PRKG1: variants seen among roughly 807,000 people sequenced by gnomAD.
PRKG1 encodes protein kinase cGMP-dependent 1, also known as cGMP-dependent protein kinase 1.
A neutral mutation model predicts 88.1 loss-of-function variants in PRKG1; 35 were observed. The observed-to-expected ratio is 0.40, with a 90% CI of 0.30 to 0.53. The LOEUF is 0.53. PRKG1 is among the 20% of genes least tolerant of loss of function. PRKG1 has a pLI of 0.59. For synonymous variants in PRKG1, 303 were observed against 292.5 expected, an observed-to-expected ratio of 1.04 and a Z score of -0.37; for missense variants, 540 against 839.8, an observed-to-expected ratio of 0.64 and a Z score of 4.41.
intron 2 of PRKG1, among the ~76,000 whole-genome samples, chr10:51,240,888 C>T (rs960447979): frequency 2.0e-5 from 3 of 152,112 alleles, no homozygotes; most frequent in African/African-American, 7.2e-5. Context: ...TGGATCTCTT[C>T]CAAAAGAATA....
At chr10:52,143,790 G>A (rs959095650) in intron 8 of PRKG1, among the ~76,000 whole-genome samples, 6 of 152,126 alleles carry the variant, frequency 3.9e-5, no homozygotes, top group Non-Finnish European at 5.9e-5. Flanking sequence ...CAGTCAACCC[G>A]ATCCACTTTT....
chr10:51,280,489 C>G (rs1014248311), intron 2 of PRKG1, among the ~76,000 whole-genome samples: 2 of 152,182 alleles, frequency 1.3e-5, no homozygotes, highest in Non-Finnish European at 2.9e-5. Flanking sequence ...CCATTCTGCC[C>G]GTCACTTTCA....
intron 5 of PRKG1, among the ~76,000 whole-genome samples, chr10:52,035,461 C>T (rs12768932): frequency 0.66 from 99,744 of 151,872 alleles, 33,338 homozygotes; most frequent in South Asian, 0.74. Context: ...TGTACTATAG[C>T]ATAACCTGCC....
chr10:51,685,350 T>A (rs1363385665), intron 3 of PRKG1, among the ~76,000 whole-genome samples: 1 of 152,180 alleles, frequency 6.6e-6, no homozygotes, highest in East Asian at 1.9e-4. Context: ...ATGCCTGGCA[T>A]TTCGTAGGTT....
At chr10:51,690,572 T>G (rs1365832018) in intron 3 of PRKG1, among the ~76,000 whole-genome samples, 1 of 151,908 alleles carries the variant, frequency 6.6e-6, no homozygotes, top group Non-Finnish European at 1.5e-5. Context: ...GGCAACAAAG[T>G]GAGATAGTAG....
At chr10:51,622,308 T>C (rs1293770490) in intron 3 of PRKG1, among the ~76,000 whole-genome samples, 2 of 152,192 alleles carry the variant, frequency 1.3e-5, no homozygotes, top group African/African-American at 4.8e-5. Context: ...TCAGGGAATA[T>C]AGATGCTTCA....
At chr10:51,813,865 C>G (rs1024059074) in intron 4 of PRKG1, among the ~76,000 whole-genome samples, 34 of 152,038 alleles carry the variant, frequency 2.2e-4, no homozygotes, top group African/African-American at 8.0e-4. Flanking sequence ...TTCCTCTCAC[C>G]CCTCTAGAAT....
intron 9 of PRKG1, among the ~76,000 whole-genome samples, chr10:52,181,393 A>C (rs1319267043): frequency 6.7e-6 from 1 of 149,036 alleles, no homozygotes; most frequent in Non-Finnish European, 1.5e-5. Context: ...TATAATGAAA[A>C]GAGGTTTATT....
At chr10:52,140,664 G>A (rs765347183) in intron 8 of PRKG1, among the ~76,000 whole-genome samples, 2 of 152,096 alleles carry the variant, frequency 1.3e-5, no homozygotes, top group Non-Finnish European at 1.5e-5. Context: ...ATGACAAATC[G>A]TGAAAATCCA....
At chr10:51,635,899 C>T (rs1160723008) in intron 3 of PRKG1, among the ~76,000 whole-genome samples, 1 of 152,146 alleles carries the variant, frequency 6.6e-6, no homozygotes, top group Non-Finnish European at 1.5e-5. Context: ...TCTTCAGCTT[C>T]TAATATTTTG....
At chr10:51,225,207 TGCCTC>T (rs1416848003) in intron 2 of PRKG1, among the ~76,000 whole-genome samples, 1 of 152,214 alleles carries the variant, frequency 6.6e-6, no homozygotes, top group African/African-American at 2.4e-5. Flanking sequence ...ACATACGTGT[TGCCTC>T]CTCTCTGTGT....
In PRKG1 at chr10:51,396,836, G is replaced by A. The variant is rs73332457; in HGVS notation, c.479-70887G>A. 4.6e-3 allele frequency among the ~76,000 whole-genome samples: 699 copies of A among 152,322 alleles called. 6 individuals are homozygous for A. The highest frequency in any genetic ancestry group is 0.015 in the African/African-American group (642 of 41,564). On this transcript the variant is annotated intron_variant, in intron 2 of 17. Coordinates refer to ENST00000373980, the MANE Select transcript of PRKG1 (RefSeq NM_006258.4). ...TTCCAGAGGGTATGTAGTAGGGCGG[G>A]TACTGGGGTGAACTGAGTGAAACAC... is the stretch of plus-strand genomic sequence containing the variant.
chr10:52,035,039 A>C (rs1361834728), intron 5 of PRKG1, among the ~76,000 whole-genome samples: 1 of 152,198 alleles, frequency 6.6e-6, no homozygotes, highest in Non-Finnish European at 1.5e-5. Flanking sequence ...GTTTCACTGA[A>C]TACTAAGAGC....
At chr10:51,042,817 C>T (rs1376846322) in intron 1 of PRKG1, among the ~76,000 whole-genome samples, 1 of 152,030 alleles carries the variant, frequency 6.6e-6, no homozygotes, top group Non-Finnish European at 1.5e-5. Context: ...TTGGAGGTGG[C>T]GTCATGAGGA....
In PRKG1 at chr10:51,544,855, C is replaced by A. The variant is rs1235309113; in HGVS notation, c.592+77019C>A. Among the ~76,000 whole-genome samples the A allele has an allele frequency of 2.0e-5, 3 of 152,034 alleles. No homozygotes were observed. The East Asian group carries it at 5.8e-4, about 29-fold the overall frequency. On this transcript the variant is annotated intron_variant, in intron 3 of 17. Transcript: ENST00000373980. ...TTACAAGAAAAAAATCAAACAGCCC[C>A]ATCAAAAATTGGGCAAAGGATATGA...
chr10:51,361,005 T>C (rs1352386374), intron 2 of PRKG1, among the ~76,000 whole-genome samples: 3 of 151,866 alleles, frequency 2.0e-5, no homozygotes, highest in African/African-American at 7.2e-5. Flanking sequence ...AAGGAAAATG[T>C]GTCATTGGAG....
chr10:51,043,112 T>C (rs897938902), intron 1 of PRKG1, among the ~76,000 whole-genome samples: 1 of 152,128 alleles, frequency 6.6e-6, no homozygotes, highest in African/African-American at 2.4e-5. Context: ...GCCTTTATAC[T>C]TCCTTACTGA....
At chr10:51,276,867 T>C (rs1301196677) in intron 2 of PRKG1, among the ~76,000 whole-genome samples, 2 of 152,250 alleles carry the variant, frequency 1.3e-5, no homozygotes, top group South Asian at 2.1e-4. Flanking sequence ...ATTAGCCCTT[T>C]GTCAGATGAG....
chr10:51,265,961 T>A (rs763099992), intron 2 of PRKG1, among the ~76,000 whole-genome samples: 11 of 152,176 alleles, frequency 7.2e-5, no homozygotes, highest in Non-Finnish European at 1.5e-4. Context: ...TCAGCACACA[T>A]CAGAGTCATC....
Sources: gnomAD v4.1 joint callset for allele counts (sites outside exome capture counted in the v4.1 genomes callset) on GRCh38, gnomAD v4.1.1 for gene constraint, MANE v1.5 for transcripts, NCBI Gene and HGNC (gene_info 2026-07-23, HGNC 2026-07-21) for gene names.